The following SLC25A48 variants were observed in gnomAD, a reference collection of about 807,000 sequenced individuals.
The protein encoded by SLC25A48 is solute carrier family 25 member 48.
SLC25A48 carries 29 observed loss-of-function variants against 32.2 expected under a neutral mutation model. That is an observed-to-expected ratio of 0.90 (90% CI 0.67 to 1.23). SLC25A48 has a LOEUF of 1.23. Ranked by LOEUF, SLC25A48 falls within the 50% of genes most tolerant of loss-of-function variation. The pLI is 0.00. For missense variants in SLC25A48, 399 were observed against 422.7 expected (o/e 0.94, Z 0.49); for synonymous variants, 164 against 172.3 (o/e 0.95, Z 0.38).
intron 1 of SLC25A48, among the ~76,000 whole-genome samples, chr5:135,611,356 A>T (rs1312002667): frequency 6.6e-6 from 1 of 151,530 alleles, no homozygotes; most frequent in Non-Finnish European, 1.5e-5. Context: ...CTAAAAATAC[A>T]AAAACAAAAT....
intron 1 of SLC25A48, chr5:135,609,671 G>C (rs1183308678): frequency 1.3e-5 from 2 of 152,182 alleles, no homozygotes; most frequent in African/African-American, 4.8e-5. Context: ...TTCCTTACAA[G>C]GATCATGGGA....
chr5:135,811,441 C>T (rs1482052919), intron 3 of SLC25A48, among the ~76,000 whole-genome samples: 1 of 152,034 alleles, frequency 6.6e-6, no homozygotes, highest in Non-Finnish European at 1.5e-5. Context: ...AGATATTGGT[C>T]GAAGGGTACA....
chr5:135,673,882 A>G (rs1261705751), intron 3 of SLC25A48, among the ~76,000 whole-genome samples: 2 of 151,824 alleles, frequency 1.3e-5, no homozygotes, highest in African/African-American at 2.4e-5. Flanking sequence ...TAATTTTTAT[A>G]TATGATATGA....
chr5:135,722,812 C>T (rs1463227358), intron 3 of SLC25A48, among the ~76,000 whole-genome samples: 2 of 152,224 alleles, frequency 1.3e-5, no homozygotes, highest in African/African-American at 2.4e-5. Flanking sequence ...CAGCCTTGTC[C>T]TCCTTGTCCC....
intron 3 of SLC25A48, among the ~76,000 whole-genome samples, chr5:135,773,103 G>A (rs1470500160): frequency 6.6e-6 from 1 of 151,076 alleles, no homozygotes; most frequent in African/African-American, 2.4e-5. Context: ...ATATCGCAGG[G>A]GGTGTACAAT....
At chr5:135,632,428 C>T (rs1752597667) in intron 2 of SLC25A48, among the ~76,000 whole-genome samples, 1 of 152,122 alleles carries the variant, frequency 6.6e-6, no homozygotes, top group Non-Finnish European at 1.5e-5. Flanking sequence ...CAAAGAGAGG[C>T]ACAGTCAAGA....
chr5:135,824,088 T>G (rs754044779), intron 4 of SLC25A48, among the ~76,000 whole-genome samples: 2 of 152,060 alleles, frequency 1.3e-5, no homozygotes, highest in Non-Finnish European at 1.5e-5. Flanking sequence ...AGTGATGAAA[T>G]GATCTGGAGT....
Position 135,685,397 on chromosome 5 carries a change from A to G in SLC25A48, c.-521+50441A>G, listed in dbSNP as rs1056033804. The stretch of plus-strand genomic sequence containing the variant: ...AATTGACAAGTTAGCTCTTTATCTT[A>G]GGTAGGGAGAAGAAGCTGTTTTAGA... On this transcript the variant is annotated intron_variant, in intron 3 of 10. Coordinates refer to the SLC25A48 transcript ENST00000646290. Among the ~76,000 whole-genome samples, 7 of 150,116 alleles carry G rather than the reference A, an allele frequency of 4.7e-5. No homozygotes were observed. In the East Asian group the frequency reaches 1.2e-3, roughly 25 times the overall value.
intron 3 of SLC25A48, among the ~76,000 whole-genome samples, chr5:135,765,409 T>C (rs187448171): frequency 5.3e-5 from 8 of 151,972 alleles, no homozygotes; most frequent in African/African-American, 1.7e-4. Context: ...CCACTTGTGA[T>C]ATGGTTTGTA....
intron 6 of SLC25A48, among the ~76,000 whole-genome samples, chr5:135,877,441 C>T (rs757140185): frequency 6.6e-6 from 1 of 152,148 alleles, no homozygotes; most frequent in East Asian, 1.9e-4. Flanking sequence ...CCTGGGGAAT[C>T]TGGAGCCTTC....
chr5:135,805,059 CTAA>C (rs1440230310), intron 3 of SLC25A48, among the ~76,000 whole-genome samples: 1 of 151,350 alleles, frequency 6.6e-6, no homozygotes, highest in Non-Finnish European at 1.5e-5. Context: ...GATATTACTC[CTAA>C]TATCACAGTT....
chr5:135,735,052 G>A (rs1183130383), intron 3 of SLC25A48, among the ~76,000 whole-genome samples: 2 of 152,140 alleles, frequency 1.3e-5, no homozygotes, highest in Admixed American at 1.3e-4. Flanking sequence ...TTTCCAGTGG[G>A]GTCCCGCACA....
At chr5:135,772,477 T>C (rs1295504473) in intron 3 of SLC25A48, among the ~76,000 whole-genome samples, 1 of 151,568 alleles carries the variant, frequency 6.6e-6, no homozygotes, top group African/African-American at 2.4e-5. Context: ...GTTCATAATA[T>C]TCACGAAGAA....
intron 1 of SLC25A48, among the ~76,000 whole-genome samples, chr5:135,590,020 G>A (rs558021936): frequency 5.3e-4 from 80 of 152,266 alleles, no homozygotes; most frequent in Admixed American, 1.0e-3. Context: ...CAGTCTATTG[G>A]TTTTCATTAT....
At position 135,714,980 on chromosome 5, in the gene SLC25A48, T is replaced by G. The variant is rs1305925064; in HGVS notation, c.-521+80024T>G. 2.6e-5 allele frequency among the ~76,000 whole-genome samples: 4 copies of G among 152,166 alleles called. No individual in the cohort carries two copies. The South Asian group carries it at 8.3e-4, about 32-fold the overall frequency. On this transcript the variant is annotated intron_variant, in intron 3 of 10. Transcript: ENST00000646290. ...GAGGGCAGACTGCTGAGTCGGAGCT[T>G]CACCCTGTAACAAAGGGGAGTCTCT...
At position 135,781,729 on chromosome 5, in the gene SLC25A48, G is replaced by T. The variant is rs188330391; in HGVS notation, c.-520-30794G>T. On this transcript the variant is annotated intron_variant, in intron 3 of 10. Transcript: ENST00000646290. Reference sequence around the variant, plus strand: ...TGATATTACTCTCAATATTGCAGGTGCTGTACACTACCTTTGTGTTGTAGT... The same window carrying T: ...TGATATTACTCTCAATATTGCAGGTTCTGTACACTACCTTTGTGTTGTAGT... Among the ~76,000 whole-genome samples, 120 of 116,544 alleles carry T rather than the reference G, an allele frequency of 1.0e-3. 14 individuals are homozygous for T. The highest frequency in any genetic ancestry group is 2.9e-3 in the African/African-American group (111 of 38,556). 76.5% of individuals were successfully genotyped at this position (116,544 alleles called of 152,430 possible). A position where few individuals can be genotyped will look rare whatever the true frequency, so the allele number is the denominator to read the frequency against.
At chr5:135,740,276 C>A (rs1307478211) in intron 3 of SLC25A48, among the ~76,000 whole-genome samples, 6 of 152,040 alleles carry the variant, frequency 3.9e-5, no homozygotes, top group Admixed American at 3.3e-4. Context: ...TCACTGCAAC[C>A]TCTGCCTCCT....
chr5:135,886,383 G>T (rs937829753), intron 7 of SLC25A48, among the ~76,000 whole-genome samples: 2 of 145,642 alleles, frequency 1.4e-5, no homozygotes, highest in Admixed American at 1.4e-4. Flanking sequence ...GGAGCACCTG[G>T]GCTGCAATGA....
intron 1 of SLC25A48, among the ~76,000 whole-genome samples, chr5:135,607,265 A>G (rs924879556): frequency 2.6e-5 from 4 of 152,206 alleles, no homozygotes; most frequent in Non-Finnish European, 5.9e-5. Context: ...GTGGACATCA[A>G]AGGTTGAATT....
Sources: allele counts gnomAD v4.1 joint callset (sites outside exome capture counted in the v4.1 genomes callset), GRCh38; gene constraint gnomAD v4.1.1; transcripts MANE v1.5; gene names NCBI Gene and HGNC (gene_info 2026-07-23, HGNC 2026-07-21).